Variants in DACH1 observed in about 807,000 individuals in gnomAD.
DACH1 encodes the protein dachshund homolog 1.
In DACH1, 12 loss-of-function variants were observed where a neutral mutation model predicts 54.2. The observed-to-expected ratio is 0.22, with a 90% CI of 0.14 to 0.36. The LOEUF (loss-of-function observed/expected upper bound fraction) is 0.36, where lower values mean the gene tolerates loss of function less well. Ranked by LOEUF, DACH1 falls within the 10% of genes least tolerant of loss-of-function variation. The pLI is 1.00. For missense variants in DACH1, 805 were observed against 929.8 expected, an observed-to-expected ratio of 0.87 and a Z score of 1.75; for synonymous variants, 386 against 366.2, an observed-to-expected ratio of 1.05 and a Z score of -0.62.
At chr13:71,807,837 A>G (rs974206636) in intron 1 of DACH1, among the ~76,000 whole-genome samples, 1 of 152,152 alleles carries the variant, frequency 6.6e-6, no homozygotes, top group African/African-American at 2.4e-5. Flanking sequence ...GGATTTACCA[A>G]ATTTTCTATG....
intron 2 of DACH1, among the ~76,000 whole-genome samples, chr13:71,677,191 G>A (rs1441686228): frequency 6.6e-6 from 1 of 152,142 alleles, no homozygotes; most frequent in Non-Finnish European, 1.5e-5. Context: ...TAAAAAGTAT[G>A]AATGTTATTG....
intron 2 of DACH1, among the ~76,000 whole-genome samples, chr13:71,636,797 C>T (rs1448210095): frequency 6.6e-6 from 1 of 151,952 alleles, no homozygotes; most frequent in Non-Finnish European, 1.5e-5. Flanking sequence ...TGAATCTTGA[C>T]AAACTATCAC....
intron 2 of DACH1, among the ~76,000 whole-genome samples, chr13:71,667,333 T>A (rs1417994323): frequency 6.6e-6 from 1 of 152,126 alleles, no homozygotes; most frequent in East Asian, 1.9e-4. Context: ...TCAAAAGTGG[T>A]CTAGGCAGAA....
rs116981434 is a variant in DACH1 at position 71,615,671 on chromosome 13, G to A, written c.1126+14885C>T. 6.0e-3 allele frequency among the ~76,000 whole-genome samples: 908 copies of A among 152,204 alleles called. 4 individuals carry two copies. The highest frequency in any genetic ancestry group is 0.01 in the Middle Eastern group (3 of 294). On this transcript the variant is annotated intron_variant, in intron 3 of 10. Transcript: ENST00000613252. ...TAAATAATCCATAAGACACTCTTTG[G>A]ATAAATATTCAGTCATGATCAACTA...
rs139980616 is a variant in DACH1, at chr13:71,470,351, C to T, written c.2083+4790G>A. On this transcript the variant is annotated intron_variant, in intron 10 of 10. Coordinates refer to ENST00000613252, the MANE Select transcript of DACH1 (RefSeq NM_080759.6). ...TGAGACAGAGTCTCGCACTGTTGCC[C>T]GGGCTGGAGTGCAGTGGTGCAACTT... Among the ~76,000 whole-genome samples the T allele has an allele frequency of 4.6e-3, 696 of 150,640 alleles. 8 individuals carry two copies. Among genetic ancestry groups the T allele is most frequent in the African/African-American group, 0.016 (636 of 41,022 alleles).
chr13:71,763,103 T>C (rs1157674170), intron 1 of DACH1, among the ~76,000 whole-genome samples: 2 of 152,256 alleles, frequency 1.3e-5, no homozygotes, highest in African/African-American at 2.4e-5. Context: ...CATGTATATA[T>C]CACCTTATTT....
At chr13:71,683,593 T>C (rs1335548158) in intron 1 of DACH1, among the ~76,000 whole-genome samples, 1 of 152,138 alleles carries the variant, frequency 6.6e-6, no homozygotes, top group Admixed American at 6.5e-5. Flanking sequence ...TGTTTGCTTG[T>C]CTTTGTGTTT....
chr13:71,765,345 T>G (rs1258254577), intron 1 of DACH1, among the ~76,000 whole-genome samples: 1 of 152,212 alleles, frequency 6.6e-6, no homozygotes, highest in Admixed American at 6.5e-5. Flanking sequence ...CACGTCCATC[T>G]GCTTTTCCCC....
At chr13:71,740,839 A>G (rs564995776) in intron 1 of DACH1, among the ~76,000 whole-genome samples, 2 of 152,298 alleles carry the variant, frequency 1.3e-5, no homozygotes, top group Non-Finnish European at 2.9e-5. Flanking sequence ...TACTGAAAAC[A>G]TAGATTATAA....
At chr13:71,540,222 A>G (rs1883046871) in intron 6 of DACH1, among the ~76,000 whole-genome samples, 1 of 152,066 alleles carries the variant, frequency 6.6e-6, no homozygotes, top group Admixed American at 6.6e-5. Context: ...TAGAGATTTT[A>G]ATCAGGTAAT....
chr13:71,635,078 T>C (rs983984277), intron 2 of DACH1, among the ~76,000 whole-genome samples: 3 of 152,208 alleles, frequency 2.0e-5, no homozygotes, highest in South Asian at 4.1e-4. Flanking sequence ...GCTTGGCACA[T>C]ATTGTCACTG....
At chr13:71,455,624 C>T (rs1213271866) in intron 10 of DACH1, among the ~76,000 whole-genome samples, 1 of 151,842 alleles carries the variant, frequency 6.6e-6, no homozygotes, top group Non-Finnish European at 1.5e-5. Context: ...CAGAACTTAC[C>T]CAGGCAATTG....
chr13:71,763,706 C>T (rs1220880532), intron 1 of DACH1, among the ~76,000 whole-genome samples: 1 of 152,122 alleles, frequency 6.6e-6, no homozygotes, highest in East Asian at 1.9e-4. Flanking sequence ...ATTTATATTC[C>T]TTTTTACAGA....
At chr13:71,603,437 T>C (rs1037159614) in intron 3 of DACH1, among the ~76,000 whole-genome samples, 1 of 152,018 alleles carries the variant, frequency 6.6e-6, no homozygotes, top group Non-Finnish European at 1.5e-5. Context: ...TAAAACTTAG[T>C]GTGTTCAGTA....
At chr13:71,450,016 A>G (rs576654163) in intron 10 of DACH1, among the ~76,000 whole-genome samples, 58 of 152,110 alleles carry the variant, frequency 3.8e-4, no homozygotes, top group Admixed American at 1.6e-3. Context: ...ACATGTATAC[A>G]TATGTAACTA....
intron 3 of DACH1, among the ~76,000 whole-genome samples, chr13:71,576,360 T>C (rs960142243): frequency 2.0e-5 from 3 of 152,126 alleles, no homozygotes; most frequent in Admixed American, 6.6e-5. Context: ...AAAATTCAAA[T>C]ATGTAAGGAG....
intron 1 of DACH1, among the ~76,000 whole-genome samples, chr13:71,712,797 T>G (rs2138782377): frequency 6.6e-6 from 1 of 152,150 alleles, no homozygotes; most frequent in African/African-American, 2.4e-5. Flanking sequence ...AACTATTTCC[T>G]TTACCCCCCA....
At chr13:71,796,256 G>A (rs1423626621) in intron 1 of DACH1, among the ~76,000 whole-genome samples, 1 of 151,972 alleles carries the variant, frequency 6.6e-6, no homozygotes, top group Non-Finnish European at 1.5e-5. Flanking sequence ...AAACTTAAAG[G>A]TTTCTTTAAA....
At chr13:71,483,871 T>A (rs1381336545) in intron 7 of DACH1, among the ~76,000 whole-genome samples, 1 of 152,142 alleles carries the variant, frequency 6.6e-6, no homozygotes, top group Admixed American at 6.5e-5. Flanking sequence ...GTACATAGCC[T>A]AGGAGCAATA....
Sources: gnomAD v4.1 joint callset for allele counts (sites outside exome capture counted in the v4.1 genomes callset) on GRCh38, gnomAD v4.1.1 for gene constraint, MANE v1.5 for transcripts, NCBI Gene and HGNC (gene_info 2026-07-23, HGNC 2026-07-21) for gene names.